Variants in ABLIM1 observed in about 807,000 individuals in gnomAD.
ABLIM1 encodes the protein actin-binding LIM protein 1.
A neutral mutation model predicts 107.0 loss-of-function variants in ABLIM1; 40 were observed. The ratio of observed to expected loss-of-function variants is 0.37; its 90% CI spans 0.29 to 0.49. The LOEUF (loss-of-function observed/expected upper bound fraction) is 0.49. Ranked by LOEUF, ABLIM1 falls within the 20% of genes least tolerant of loss-of-function variation. The pLI is 0.97. For synonymous variants in ABLIM1, 357 were observed against 357.3 expected (o/e 1.00, Z 0.01); for missense variants, 857 against 1,008.5 (o/e 0.85, Z 2.04).
At chr10:114,442,082 C>A (rs1325262870) in intron 17 of ABLIM1, among the ~76,000 whole-genome samples, 1 of 152,154 alleles carries the variant, frequency 6.6e-6, no homozygotes, top group East Asian at 1.9e-4. Context: ...TTCTTTGAAT[C>A]TTCAATATAA....
At chr10:114,787,644 C>T in the ABLIM1 span, among the ~76,000 whole-genome samples, 13 of 143,682 alleles carry the variant, frequency 9.0e-5, no homozygotes, top group African/African-American at 2.8e-4. Context: ...TCTGCCCGGC[C>T]GCCCCTACTG....
rs74410336 is a variant in ABLIM1 at position 114,715,492 on chromosome 10, G to A, written c.-213+52569C>T. On this transcript the variant is annotated intron_variant, in intron 1 of 15. Transcript: ENST00000651092. Reference sequence around the variant, plus strand: ...ACAAATTACACTTCTTAAAAGACACGTATTTCCTAAAAATGCCTCCTCCCT... The same window carrying A: ...ACAAATTACACTTCTTAAAAGACACATATTTCCTAAAAATGCCTCCTCCCT... Among the ~76,000 whole-genome samples, 1,329 of 152,172 alleles carry A rather than the reference G, an allele frequency of 8.7e-3. 17 individuals carry two copies. The highest frequency in any genetic ancestry group is 0.031 in the African/African-American group (1,276 of 41,502).
chr10:114,704,327 TA>T (rs1450625586), intron 1 of ABLIM1, among the ~76,000 whole-genome samples: 1 of 88,438 alleles, frequency 1.1e-5, no homozygotes, highest in African/African-American at 4.1e-5. Context: ...TATATATATA[TA>T]TATATATTGC....
chr10:114,727,423 A>T (rs946544183), intron 1 of ABLIM1, among the ~76,000 whole-genome samples: 8 of 152,246 alleles, frequency 5.3e-5, no homozygotes, highest in Non-Finnish European at 1.0e-4. Flanking sequence ...CCAATGTTAA[A>T]GTGGTCTCTT....
the ABLIM1 span, among the ~76,000 whole-genome samples, chr10:114,785,524 G>C: frequency 6.6e-6 from 1 of 152,062 alleles, no homozygotes; most frequent in Non-Finnish European, 1.5e-5. Context: ...GATAAGAATA[G>C]CATTCTTAGT....
chr10:114,514,432 G>A (rs1356174643), intron 6 of ABLIM1, among the ~76,000 whole-genome samples: 2 of 152,012 alleles, frequency 1.3e-5, no homozygotes, highest in African/African-American at 2.4e-5. Flanking sequence ...GGAATGCAGT[G>A]GCGTGATCAC....
At chr10:114,525,764 C>T (rs991161622) in intron 6 of ABLIM1, among the ~76,000 whole-genome samples, 5 of 152,346 alleles carry the variant, frequency 3.3e-5, no homozygotes, top group African/African-American at 1.2e-4. Flanking sequence ...AGTCTCCAAT[C>T]TCAGCTAAGT....
intron 12 of ABLIM1, among the ~76,000 whole-genome samples, chr10:114,456,233 TCA>T (rs747311472): frequency 3.9e-5 from 6 of 152,152 alleles, no homozygotes; most frequent in Non-Finnish European, 7.3e-5. Context: ...TTCACTTAAG[TCA>T]CAGTTTCCAA....
intron 8 of ABLIM1, among the ~76,000 whole-genome samples, chr10:114,478,676 G>C (rs1233306369): frequency 6.6e-6 from 1 of 152,094 alleles, no homozygotes; most frequent in African/African-American, 2.4e-5. Flanking sequence ...CAGAACTGTG[G>C]GTCAATTAAA....
chr10:114,496,854 G>A (rs1364407217), intron 6 of ABLIM1, among the ~76,000 whole-genome samples: 4 of 152,086 alleles, frequency 2.6e-5, no homozygotes, highest in African/African-American at 9.7e-5. Flanking sequence ...AGAGGCTCCA[G>A]GGTCAGATGC....
chr10:114,615,737 CAGTT>C (rs1591601085), intron 1 of ABLIM1, among the ~76,000 whole-genome samples: 1 of 151,360 alleles, frequency 6.6e-6, no homozygotes, highest in Non-Finnish European at 1.5e-5. Context: ...TGTCTACTAT[CAGTT>C]AGGTAATTTG....
upstream of ABLIM1, among the ~76,000 whole-genome samples, chr10:114,688,495 A>T (rs1053833190): frequency 6.6e-6 from 1 of 152,194 alleles, no homozygotes; most frequent in African/African-American, 2.4e-5. Flanking sequence ...AGCTTCATAA[A>T]CTGCAAAGAC....
At chr10:114,612,849 T>C (rs1242707134) in intron 1 of ABLIM1, among the ~76,000 whole-genome samples, 1 of 152,208 alleles carries the variant, frequency 6.6e-6, no homozygotes, top group Non-Finnish European at 1.5e-5. Flanking sequence ...GAGTCTATTG[T>C]CACATGGCCT....
At chr10:114,536,937 G>A (rs1226632882) in intron 6 of ABLIM1, among the ~76,000 whole-genome samples, 1 of 152,206 alleles carries the variant, frequency 6.6e-6, no homozygotes, top group Non-Finnish European at 1.5e-5. Context: ...ATGAGGCACA[G>A]AAACACAGCA....
intron 4 of ABLIM1, among the ~76,000 whole-genome samples, chr10:114,553,634 C>A (rs1041663185): frequency 6.6e-6 from 1 of 152,178 alleles, no homozygotes; most frequent in Admixed American, 6.5e-5. Context: ...GGAGGAACAG[C>A]CTCCCACTCT....
intron 6 of ABLIM1, among the ~76,000 whole-genome samples, chr10:114,495,295 A>C (rs1409513946): frequency 6.6e-6 from 1 of 152,148 alleles, no homozygotes; most frequent in East Asian, 1.9e-4. Flanking sequence ...CCTGAACTAG[A>C]GTGTTTACCC....
At chr10:114,723,675 G>A (rs1358511664) in intron 1 of ABLIM1, among the ~76,000 whole-genome samples, 1 of 152,202 alleles carries the variant, frequency 6.6e-6, no homozygotes, top group Non-Finnish European at 1.5e-5. Flanking sequence ...CATAAATTGA[G>A]TAGAAATAAT....
intron 6 of ABLIM1, among the ~76,000 whole-genome samples, chr10:114,520,016 CA>C (rs2063496973): frequency 6.6e-6 from 1 of 152,228 alleles, no homozygotes; most frequent in African/African-American, 2.4e-5. Flanking sequence ...CTGGAAAATT[CA>C]AGCTGTAAGA....
chr10:114,615,563 ATTACCAGGGTC>A (rs1469702914), intron 1 of ABLIM1: 1 of 470,756 alleles, frequency 2.1e-6, no homozygotes, highest in East Asian at 6.1e-5. Flanking sequence ...CTGCCATTGT[ATTACCAGGGTC>A]TGGCACCATT....
Sources: allele counts gnomAD v4.1 joint callset (sites outside exome capture counted in the v4.1 genomes callset), GRCh38; gene constraint gnomAD v4.1.1; transcripts MANE v1.5; gene names NCBI Gene and HGNC (gene_info 2026-07-23, HGNC 2026-07-21).